The following ARMC1 variants were observed in gnomAD, a reference collection of about 807,000 sequenced individuals.
The protein encoded by ARMC1 is armadillo repeat containing 1, also known as armadillo repeat-containing protein 1.
In ARMC1, 16 loss-of-function variants were observed where a neutral mutation model predicts 31.4. The observed-to-expected ratio is 0.51, with a 90% CI of 0.34 to 0.77. The LOEUF is 0.77. ARMC1 is among the 30% of genes least tolerant of loss of function. The pLI is 0.01. For synonymous variants in ARMC1, 114 were observed against 118.9 expected (o/e 0.96, Z 0.27); for missense variants, 259 against 347.5 (o/e 0.75, Z 2.02).
At chr8:65,620,192 T>C (rs1808362515) in intron 3 of ARMC1, among the ~76,000 whole-genome samples, 1 of 151,148 alleles carries the variant, frequency 6.6e-6, no homozygotes, top group Non-Finnish European at 1.5e-5. Context: ...CTTTCTGAGA[T>C]GATGGAAATA....
At chr8:65,618,285 G>A (rs905430175) in intron 3 of ARMC1, among the ~76,000 whole-genome samples, 5 of 151,908 alleles carry the variant, frequency 3.3e-5, no homozygotes, top group Admixed American at 6.5e-5. Flanking sequence ...CACTTTGGGA[G>A]GCCGAGGCAG....
intron 2 of ARMC1, among the ~76,000 whole-genome samples, chr8:65,626,339 C>T (rs756417168): frequency 2.0e-5 from 3 of 150,494 alleles, no homozygotes; most frequent in Admixed American, 6.6e-5. Flanking sequence ...CACAGTGGCT[C>T]ACATCTGTAA....
At chr8:65,620,294 C>CTTTTTTTTTTTTTTTTTT (rs755112362) in intron 3 of ARMC1, among the ~76,000 whole-genome samples, 1 of 90,176 alleles carries the variant, frequency 1.1e-5, no homozygotes, top group Non-Finnish European at 2.1e-5. Context: ...ATTATTATTA[C>CTTTTTTTTTTTTTTTTTT]TTTTTTTTTT....
At chr8:65,616,784 G>A (rs1253024077) in intron 3 of ARMC1, among the ~76,000 whole-genome samples, 2 of 126,348 alleles carry the variant, frequency 1.6e-5, no homozygotes, top group Non-Finnish European at 3.4e-5. Flanking sequence ...GCCCAGCCGC[G>A]ACCCCGTCTG....
intron 2 of ARMC1, among the ~76,000 whole-genome samples, 165 bp downstream of exon 2, chr8:65,627,051 T>C (rs976526959): frequency 6.6e-6 from 1 of 152,132 alleles, no homozygotes; most frequent in South Asian, 2.1e-4. Flanking sequence ...TTACCACTGG[T>C]GTAAACAGAC....
At chr8:65,618,903 C>T (rs145115815) in intron 3 of ARMC1, among the ~76,000 whole-genome samples, 4,199 of 151,954 alleles carry the variant, frequency 0.028, 131 homozygotes, top group African/African-American at 0.079. Flanking sequence ...ATTAGCCGGG[C>T]GTGGTGGCAC....
At chr8:65,621,047 A>G (rs1023929067) in intron 3 of ARMC1, among the ~76,000 whole-genome samples, 1 of 152,176 alleles carries the variant, frequency 6.6e-6, no homozygotes, top group African/African-American at 2.4e-5. Context: ...GCAGTGAGCC[A>G]TGATCATACC....
chr8:65,605,678 G>C (rs538954400), intron 4 of ARMC1, 140 bp from the exon 5 acceptor site: 14 of 641,666 alleles, frequency 2.2e-5, no homozygotes, highest in East Asian at 1.4e-4. Context: ...GGCACAGAGT[G>C]GGGGAGTGCT....
intron 1 of ARMC1, among the ~76,000 whole-genome samples, chr8:65,627,903 T>G (rs1808549469): frequency 6.6e-6 from 1 of 152,160 alleles, no homozygotes; most frequent in Non-Finnish European, 1.5e-5. Context: ...TAAAATGCCC[T>G]TGGAAAAAGG....
In ARMC1 at chr8:65,604,391, A is replaced by T; in HGVS notation, c.*3T>A. 1.2e-6 allele frequency: 2 copies of T among 1,612,880 alleles called. No individual in the cohort carries two copies. Among genetic ancestry groups the T allele is most frequent in the South Asian group, 2.2e-5 (2 of 90,908 alleles). On this transcript the variant is annotated 3_prime_UTR_variant, in exon 7 of 7. Coordinates refer to ENST00000276569, the MANE Select transcript of ARMC1 (RefSeq NM_018120.6). Reference sequence around the variant, plus strand: ...CACACAGTCCTTGAGCCCAAAAGTGAAGTCACCAATAAAATGATCTGGATA... The same window carrying T: ...CACACAGTCCTTGAGCCCAAAAGTGTAGTCACCAATAAAATGATCTGGATA...
At chr8:65,616,028 G>C (rs1319639528) in intron 3 of ARMC1, among the ~76,000 whole-genome samples, 1 of 152,074 alleles carries the variant, frequency 6.6e-6, no homozygotes, top group African/African-American at 2.4e-5. Context: ...TTGAAAACCT[G>C]GATTATTTCA....
chr8:65,604,782 G>A (rs1347423239), intron 6 of ARMC1, among the ~76,000 whole-genome samples, 197 bp from the exon 7 acceptor site: 2 of 152,158 alleles, frequency 1.3e-5, no homozygotes, highest in Non-Finnish European at 2.9e-5. Flanking sequence ...AGGAGTAAAT[G>A]AGCAACCGCT....
intron 3 of ARMC1, among the ~76,000 whole-genome samples, chr8:65,616,283 C>T: frequency 6.6e-6 from 1 of 152,210 alleles, no homozygotes; most frequent in Non-Finnish European, 1.5e-5. Context: ...CAGGCACGCG[C>T]TGCCACGCCT....
At chr8:65,620,404 C>A (rs1008543334) in intron 3 of ARMC1, among the ~76,000 whole-genome samples, 1 of 146,602 alleles carries the variant, frequency 6.8e-6, no homozygotes, top group Non-Finnish European at 1.5e-5. Context: ...CGAGTTCAAG[C>A]GATTCTCCTG....
intron 3 of ARMC1, among the ~76,000 whole-genome samples, chr8:65,618,462 C>T: frequency 6.9e-6 from 1 of 144,542 alleles, no homozygotes; most frequent in Non-Finnish European, 1.5e-5. Context: ...GCAGAGCTTG[C>T]AGTGAGCCAA....
At chr8:65,619,113 G>C (rs1384118676) in intron 3 of ARMC1, among the ~76,000 whole-genome samples, 2 of 152,134 alleles carry the variant, frequency 1.3e-5, no homozygotes, top group East Asian at 3.8e-4. Flanking sequence ...TTTGAAAACA[G>C]GGATACAAAG....
Position 65,610,939 on chromosome 8 carries a change from C to CT in ARMC1, c.465+2304dup, listed in dbSNP as rs796885521. 8.4e-3 allele frequency among the ~76,000 whole-genome samples: 1,211 copies of CT among 144,870 alleles called. 7 individuals are homozygous for CT. The highest frequency in any genetic ancestry group is 0.023 in the African/African-American group (917 of 39,764). ...AAGGTATTTAAAATATTCACTTATC[C>CT]TTTTTTTTTTTTGAGATGGAGTTGT... On this transcript the variant is annotated intron_variant, in intron 4 of 6. Transcript: ENST00000276569.
chr8:65,605,419 T>A lies in ARMC1; in HGVS notation c.582+3A>T. Reference sequence around the variant, plus strand: ...AGCATATTCAGTCTTTTAAAATACTTACCTCAGCTTTCAAATCTGAACGGA... The same window carrying A: ...AGCATATTCAGTCTTTTAAAATACTAACCTCAGCTTTCAAATCTGAACGGA... On this transcript the variant is annotated splice_donor_region_variant and intron_variant, in intron 5 of 6. Coordinates refer to ENST00000276569, the MANE Select transcript of ARMC1 (RefSeq NM_018120.6). 1 of 1,613,744 alleles carries A rather than the reference T, an allele frequency of 6.2e-7. No homozygotes were observed. The highest frequency in any genetic ancestry group is 8.5e-7 in the Non-Finnish European group (1 of 1,179,662).
rs568125309 is a variant in ARMC1 at position 65,616,576 on chromosome 8, G to A, written c.276-3143C>T. On this transcript the variant is annotated intron_variant, in intron 3 of 6. Coordinates refer to ENST00000276569, the MANE Select transcript of ARMC1 (RefSeq NM_018120.6). The stretch of plus-strand genomic sequence containing the variant: ...CCACCCCGTCTGGGAAGTGAGGAGC[G>A]TCTCTGCCTGGCCGCCCATCGTCTG... 2.2e-4 allele frequency among the ~76,000 whole-genome samples: 34 copies of A among 151,730 alleles called. No homozygotes were observed. In the East Asian group the frequency reaches 5.1e-3, roughly 23 times the overall value.
Sources: allele counts gnomAD v4.1 joint callset (sites outside exome capture counted in the v4.1 genomes callset), GRCh38; gene constraint gnomAD v4.1.1; transcripts MANE v1.5; gene names NCBI Gene and HGNC (gene_info 2026-07-23, HGNC 2026-07-21).